Variants in CACNA1E observed in about 807,000 individuals in gnomAD.
CACNA1E encodes the protein calcium voltage-gated channel subunit alpha1 E.
In CACNA1E, 40 loss-of-function variants were observed where a neutral mutation model predicts 259.2. The ratio of observed to expected loss-of-function variants is 0.15; its 90% CI spans 0.12 to 0.20. The LOEUF is 0.20. Ranked by LOEUF, CACNA1E falls within the 10% of genes least tolerant of loss-of-function variation. CACNA1E has a pLI of 1.00. For missense variants in CACNA1E, 1,874 were observed against 3,040.1 expected, an observed-to-expected ratio of 0.62 and a Z score of 9.02; for synonymous variants, 1,104 against 1,138.5, an observed-to-expected ratio of 0.97 and a Z score of 0.61.
In CACNA1E at chr1:181,737,690, T is replaced by C. The variant is rs200416833; in HGVS notation, c.3552+36T>C. 8.2e-4 allele frequency: 1,309 copies of C among 1,598,564 alleles called. 2 individuals are homozygous for C. The highest frequency in any genetic ancestry group is 1.0e-3 in the Non-Finnish European group (1,220 of 1,170,334). ...AGGGGCCATGTGCCAGCCTCTGTAG[T>C]GCTCTGGTGCTCACCCCATCCCAGC... On this transcript the variant is annotated intron_variant, in intron 23 of 47. Transcript: ENST00000367573.
intron 7 of CACNA1E, among the ~76,000 whole-genome samples, chr1:181,652,496 A>T (rs967686258): frequency 1.3e-5 from 2 of 152,248 alleles, no homozygotes; most frequent in African/African-American, 4.8e-5. Flanking sequence ...AGATGTCAAC[A>T]ACATTTTTGA....
chr1:181,533,300 A>G (rs988485509), intron 3 of CACNA1E, among the ~76,000 whole-genome samples: 2 of 148,172 alleles, frequency 1.3e-5, no homozygotes, highest in Non-Finnish European at 3.0e-5. Context: ...CCTAATCCAT[A>G]TGGTGTTTCT....
intron 1 of CACNA1E, among the ~76,000 whole-genome samples, chr1:181,391,663 G>T (rs2102039773): frequency 6.6e-6 from 1 of 152,300 alleles, no homozygotes; most frequent in Non-Finnish European, 1.5e-5. Flanking sequence ...TCCCCCTGGG[G>T]CCTCCCAGTG....
intron 43 of CACNA1E, among the ~76,000 whole-genome samples, chr1:181,786,267 T>C (rs999323848): frequency 3.3e-5 from 5 of 152,336 alleles, no homozygotes; most frequent in Middle Eastern, 3.4e-3. Flanking sequence ...TTGACACTTA[T>C]AGAGACACTA....
intron 1 of CACNA1E, among the ~76,000 whole-genome samples, chr1:181,507,724 A>G (rs1199402697): frequency 6.6e-6 from 1 of 152,182 alleles, no homozygotes; most frequent in Admixed American, 6.5e-5. Flanking sequence ...CAACCCCCCA[A>G]AACAATCATA....
chr1:181,770,466 T>C (rs1029786651), intron 35 of CACNA1E, among the ~76,000 whole-genome samples: 9 of 152,254 alleles, frequency 5.9e-5, no homozygotes, highest in Admixed American at 2.0e-4. Flanking sequence ...GTGATTACAT[T>C]CTAAGCTCAG....
chr1:181,356,703 G>A (rs920328700), intron 1 of CACNA1E, among the ~76,000 whole-genome samples: 2 of 152,186 alleles, frequency 1.3e-5, no homozygotes, highest in South Asian at 2.1e-4. Flanking sequence ...AAGCTGCGGC[G>A]GTGGAGGCTG....
chr1:181,384,355 T>C (rs1417642497), intron 1 of CACNA1E, among the ~76,000 whole-genome samples: 2 of 152,174 alleles, frequency 1.3e-5, no homozygotes, highest in Non-Finnish European at 2.9e-5. Flanking sequence ...TCAAATCCAA[T>C]TATCCAGTGT....
At chr1:181,431,291 T>C (rs552832874) in intron 2 of CACNA1E, among the ~76,000 whole-genome samples, 15 of 152,322 alleles carry the variant, frequency 9.8e-5, no homozygotes, top group Admixed American at 2.0e-4. Flanking sequence ...CTGTTTTGAC[T>C]CGGTTTTGAT....
intron 2 of CACNA1E, among the ~76,000 whole-genome samples, chr1:181,454,981 CTTG>C: frequency 6.6e-6 from 1 of 152,150 alleles, no homozygotes; most frequent in Non-Finnish European, 1.5e-5. Flanking sequence ...TGGATTTGTA[CTTG>C]TTGATGATAA....
chr1:181,718,611 A>AACACACACACACAC (rs60522141), intron 12 of CACNA1E, among the ~76,000 whole-genome samples: 74 of 124,312 alleles, frequency 6.0e-4, no homozygotes, highest in Admixed American at 1.1e-3. Flanking sequence ...CCCTCATTCA[A>AACACACACACACAC]ACACACACAC....
chr1:181,382,468 G>C (rs1309656512), intron 1 of CACNA1E, among the ~76,000 whole-genome samples: 1 of 152,170 alleles, frequency 6.6e-6, no homozygotes, highest in South Asian at 2.1e-4. Context: ...TAGTTCAGGT[G>C]CATCCAGTGA....
At chr1:181,710,135 A>G (rs1375808160) in intron 7 of CACNA1E, among the ~76,000 whole-genome samples, 1 of 151,896 alleles carries the variant, frequency 6.6e-6, no homozygotes, top group Non-Finnish European at 1.5e-5. Flanking sequence ...CTTGGGCTCT[A>G]TCTTCTTCCT....
At chr1:181,442,419 A>C (rs1234390409) in intron 2 of CACNA1E, among the ~76,000 whole-genome samples, 2 of 142,882 alleles carry the variant, frequency 1.4e-5, no homozygotes, top group African/African-American at 5.5e-5. Context: ...TGAAGGGTAC[A>C]GGTATAAGGG....
At chr1:181,638,680 G>T (rs1371791153) in intron 6 of CACNA1E, among the ~76,000 whole-genome samples, 1 of 152,192 alleles carries the variant, frequency 6.6e-6, no homozygotes, top group Non-Finnish European at 1.5e-5. Flanking sequence ...CAATCTCCAT[G>T]TGTCAAGGGA....
chr1:181,451,166 T>A (rs1661130780), intron 2 of CACNA1E, among the ~76,000 whole-genome samples: 1 of 152,184 alleles, frequency 6.6e-6, no homozygotes, highest in African/African-American at 2.4e-5. Flanking sequence ...CACTCATATA[T>A]TTTCTTCCAC....
intron 6 of CACNA1E, among the ~76,000 whole-genome samples, chr1:181,586,553 G>A (rs1189341282): frequency 1.3e-5 from 2 of 152,128 alleles, no homozygotes; most frequent in Non-Finnish European, 2.9e-5. Context: ...TGGTGTCCTG[G>A]GGCCAAGTGA....
intron 43 of CACNA1E, among the ~76,000 whole-genome samples, chr1:181,787,327 G>A (rs1413395873): frequency 6.6e-6 from 1 of 152,084 alleles, no homozygotes; most frequent in East Asian, 1.9e-4. Flanking sequence ...AGCCAGGATG[G>A]TCTCGATCTC....
intron 6 of CACNA1E, among the ~76,000 whole-genome samples, chr1:181,617,718 A>T (rs1655349917): frequency 6.6e-6 from 1 of 152,180 alleles, no homozygotes; most frequent in Non-Finnish European, 1.5e-5. Flanking sequence ...GTTCTCTCAC[A>T]GAAAGATTGC....
Sources: allele counts gnomAD v4.1 joint callset (sites outside exome capture counted in the v4.1 genomes callset), GRCh38; gene constraint gnomAD v4.1.1; transcripts MANE v1.5; gene names NCBI Gene and HGNC (gene_info 2026-07-23, HGNC 2026-07-21).